The following DYSF variants were observed in gnomAD, a reference collection of about 807,000 sequenced individuals.
The protein encoded by DYSF is dystrophy-associated fer-1-like 1.
In DYSF, 212 loss-of-function variants were observed where a neutral mutation model predicts 274.9. That is an observed-to-expected ratio of 0.77 (90% confidence interval 0.69 to 0.86). The LOEUF (loss-of-function observed/expected upper bound fraction) is 0.86, where lower values mean the gene tolerates loss of function less well. Among genes scored for constraint, DYSF ranks in the 40% least tolerant of loss-of-function variants. The pLI is 0.00. For synonymous variants in DYSF, 1,091 were observed against 1,078.7 expected (o/e 1.01, Z -0.22); for missense variants, 2,666 against 2,783.2 (o/e 0.96, Z 0.95).
intron 4 of DYSF, among the ~76,000 whole-genome samples, chr2:71,508,749 C>T (rs967435125): frequency 6.6e-6 from 1 of 152,198 alleles, no homozygotes; most frequent in Non-Finnish European, 1.5e-5. Flanking sequence ...CCCCGCTAAT[C>T]GTTCATCTAC....
At chr2:71,536,714 ATTTT>A (rs2089380597) in intron 16 of DYSF, among the ~76,000 whole-genome samples, 1 of 152,200 alleles carries the variant, frequency 6.6e-6, no homozygotes, top group African/African-American at 2.4e-5. Context: ...TTGAAGTGGC[ATTTT>A]TATTGTGAGT....
At chr2:71,518,995 A>C (rs2086942245) in intron 10 of DYSF, among the ~76,000 whole-genome samples, 1 of 146,540 alleles carries the variant, frequency 6.8e-6, no homozygotes, top group Admixed American at 7.0e-5. Flanking sequence ...CAGGAGGCCG[A>C]GGCAGGAGAA....
chr2:71,627,336 A>G (rs563638791), intron 41 of DYSF, among the ~76,000 whole-genome samples: 2 of 151,934 alleles, frequency 1.3e-5, no homozygotes, highest in East Asian at 3.9e-4. Context: ...TTTCTTTTTG[A>G]CACCTAAATT....
chr2:71,472,416 T>C (rs575984175), intron 1 of DYSF, among the ~76,000 whole-genome samples: 1 of 152,308 alleles, frequency 6.6e-6, no homozygotes, highest in South Asian at 2.1e-4. Flanking sequence ...TTCTTTCTTT[T>C]TTTTCTTTTT....
chr2:71,500,501 AC>A (rs1238811777), intron 3 of DYSF, among the ~76,000 whole-genome samples: 3 of 151,908 alleles, frequency 2.0e-5, no homozygotes, highest in Admixed American at 1.3e-4. Context: ...CAAGCAGTCA[AC>A]CCTGGCTGCT....
chr2:71,593,885 G>A (rs796544105), intron 32 of DYSF, among the ~76,000 whole-genome samples: 8 of 152,322 alleles, frequency 5.3e-5, no homozygotes, highest in African/African-American at 1.9e-4. Flanking sequence ...CAGGTCACTG[G>A]GCTCAGGCGG....
In DYSF at chr2:71,513,790, G is replaced by A. The variant is rs143562525; in HGVS notation, c.628G>A (p.Gly210Arg). ...DEAEPFLDQS[G>R]GPGAPTTPRK... Reference sequence around the variant, plus strand: ...GGCGGAGCCATTCCTGGATCAAAGCGGAGGCCCGGGGGCTCCCACCACCCC... The same window carrying A: ...GGCGGAGCCATTCCTGGATCAAAGCAGAGGCCCGGGGGCTCCCACCACCCC... The change falls in exon 7 of 56, where the codon GGA becomes AGA. Residue 210 changes from glycine to arginine, a missense_variant. By Grantham distance (125) the Gly-to-Arg change is moderately radical. Coordinates refer to ENST00000410020, the MANE Select transcript of DYSF (RefSeq NM_001130987.2). 8.5e-5 allele frequency: 137 copies of A among 1,614,164 alleles called. 1 individual carries two copies. The Middle Eastern group carries it at 1.7e-3, about 19-fold the overall frequency.
chr2:71,509,432 G>A (rs994194348), intron 4 of DYSF, among the ~76,000 whole-genome samples: 1 of 152,188 alleles, frequency 6.6e-6, no homozygotes, highest in African/African-American at 2.4e-5. Context: ...AAAGTGCTGG[G>A]ATTATAGTTG....
chr2:71,618,390 T>G (rs368953295), intron 40 of DYSF, among the ~76,000 whole-genome samples: 31 of 6,724 alleles, frequency 4.6e-3, no homozygotes, highest in South Asian at 7.2e-3. Context: ...GTAGAGGTGG[T>G]GTGTGTGTGT....
chr2:71,489,232 A>G (rs1449316675), intron 3 of DYSF, among the ~76,000 whole-genome samples: 1 of 151,954 alleles, frequency 6.6e-6, no homozygotes, highest in Non-Finnish European at 1.5e-5. Flanking sequence ...CCCACCACTC[A>G]AAGTCCCACT....
chr2:71,662,702 G>A (rs1325038159), intron 45 of DYSF, among the ~76,000 whole-genome samples: 2 of 151,012 alleles, frequency 1.3e-5, no homozygotes, highest in Admixed American at 1.3e-4. Flanking sequence ...GTATATGTAT[G>A]TGTGTTGTAT....
chr2:71,645,416 C>T (rs2152926084), intron 42 of DYSF, among the ~76,000 whole-genome samples: 1 of 152,120 alleles, frequency 6.6e-6, no homozygotes, highest in African/African-American at 2.4e-5. Context: ...GCCTGCTGGC[C>T]TGCTGAGGCC....
chr2:71,553,754 C>CCCCCCCCCCCCCCACCACGGG, intron 20 of DYSF, 53 bp from the exon 21 acceptor site: 1 of 538,758 alleles, frequency 1.9e-6, no homozygotes, highest in Non-Finnish European at 3.4e-6. Flanking sequence ...AGCACCCCAT[C>CCCCCCCCCCCCCCACCACGGG]CCACCCGCCC....
intron 40 of DYSF, among the ~76,000 whole-genome samples, chr2:71,614,236 C>T (rs1209845838): frequency 1.3e-5 from 2 of 152,194 alleles, no homozygotes; most frequent in Non-Finnish European, 2.9e-5. Context: ...AGGTTGTCAC[C>T]CTCCTCTCTG....
chr2:71,622,807 G>A (rs1403184897), intron 41 of DYSF, among the ~76,000 whole-genome samples: 2 of 152,102 alleles, frequency 1.3e-5, no homozygotes, highest in African/African-American at 4.8e-5. Flanking sequence ...TAGAGACAGG[G>A]TTTCACCATC....
chr2:71,517,141 T>C (rs1422435237), intron 10 of DYSF, 102 bp downstream of exon 10: 2 of 1,132,152 alleles, frequency 1.8e-6, no homozygotes, highest in Non-Finnish European at 1.3e-6. Flanking sequence ...TGTGTTTCTC[T>C]GCTTTGGGAA....
chr2:71,638,824 T>C (rs904769670), intron 41 of DYSF, among the ~76,000 whole-genome samples: 1 of 152,218 alleles, frequency 6.6e-6, no homozygotes, highest in Non-Finnish European at 1.5e-5. Context: ...GACATAAGTT[T>C]TCATTTCTCT....
chr2:71,664,274 C>T lies in DYSF; in HGVS notation c.5010C>T (p.Phe1670=), dbSNP rs151276652. Residue 1670 remains phenylalanine (F), a synonymous_variant, in exon 46 of 56, where the codon TTC becomes TTT. Coordinates refer to ENST00000410020, the MANE Select transcript of DYSF (RefSeq NM_001130987.2). The stretch of plus-strand genomic sequence containing the variant: ...GAATCTGCCCCTCCTGCAGGATGTT[C>T]GAGCTGACCTGCACTCTGCCTCTGG... ...CTLEPVFGKM[F]ELTCTLPLEK... The T allele has an allele frequency of 2.2e-4, 353 of 1,613,918 alleles. No homozygotes were observed. The highest frequency in any genetic ancestry group is 2.7e-4 in the Non-Finnish European group (320 of 1,179,992).
intron 51 of DYSF, among the ~76,000 whole-genome samples, chr2:71,672,550 G>A (rs557687431): frequency 3.4e-4 from 52 of 152,298 alleles, no homozygotes; most frequent in Non-Finnish European, 6.3e-4. Flanking sequence ...CACCCTGCAC[G>A]TCAGGCACCC....
Sources: gnomAD v4.1 joint callset for allele counts (sites outside exome capture counted in the v4.1 genomes callset) on GRCh38, gnomAD v4.1.1 for gene constraint, MANE v1.5 for transcripts, NCBI Gene and HGNC (gene_info 2026-07-23, HGNC 2026-07-21) for gene names.